Variants in TOMM6 observed in about 807,000 individuals in gnomAD.
TOMM6 encodes the protein mitochondrial import receptor subunit TOM6 homolog.
TOMM6 carries 6 observed loss-of-function variants against 6.0 expected under a neutral mutation model. That is an observed-to-expected ratio of 1.00 (90% CI 0.55 to 1.98). The LOEUF is 1.98. Among genes scored for constraint, TOMM6 ranks in the 30% most tolerant of loss-of-function variants. The pLI is 0.00. For missense variants in TOMM6, 104 were observed against 95.3 expected (o/e 1.09, Z -0.38); for synonymous variants, 44 against 36.3 (o/e 1.21, Z -0.76).
Position 41,787,706 on chromosome 6 carries a change from C to T in TOMM6, c.9C>T (p.Ser3=), listed in dbSNP as rs1156692987. The T allele has an allele frequency of 1.6e-5, 25 of 1,551,686 alleles. No individual in the cohort carries two copies. Among genetic ancestry groups the T allele is most frequent in the Non-Finnish European group, 1.9e-5 (22 of 1,146,982 alleles). Residue 3 remains serine (S), a synonymous_variant, in exon 1 of 3, where the codon TCC becomes TCT. Coordinates refer to ENST00000398881, the MANE Select transcript of TOMM6 (RefSeq NM_001382294.1). ...ATGCGAAGCTTTCCACTATGGCTTC[C>T]AGCACTGTCCCGGTGAGCGCTGCTG... MA[S]STVPVSAAGS... is the part of the protein sequence containing the mutation.
chr6:41,789,370 G>A (rs541289865), intron 2 of TOMM6, 34 bp downstream of exon 2: 76 of 1,424,798 alleles, frequency 5.3e-5, no homozygotes, highest in East Asian at 4.0e-4. Flanking sequence ...CGTGTCTTAG[G>A]AGACCTAGAG....
intron 2 of TOMM6, 25 bp downstream of exon 2, chr6:41,789,361 G>A (rs1012609922): frequency 6.7e-6 from 10 of 1,498,882 alleles, no homozygotes; most frequent in Admixed American, 3.9e-5. Flanking sequence ...ACACCCATGC[G>A]TGTCTTAGGA....
intron 1 of TOMM6, 126 bp downstream of exon 1, chr6:41,787,951 C>T (rs567402498): frequency 2.0e-4 from 268 of 1,333,190 alleles, no homozygotes; most frequent in Non-Finnish European, 2.6e-4. Context: ...GTGGCGTCTT[C>T]GTAGCTCTGG....
At chr6:41,789,144 T>C (rs1029151749) in intron 1 of TOMM6, 88 bp from the exon 2 acceptor site, 1 of 1,216,178 alleles carries the variant, frequency 8.2e-7, no homozygotes, top group Non-Finnish European at 1.2e-6. Context: ...GGGAAGGTGG[T>C]GATGGAAGCC....
intron 1 of TOMM6, 145 bp downstream of exon 1, chr6:41,787,970 C>G: frequency 2.6e-6 from 3 of 1,168,856 alleles, no homozygotes; most frequent in Non-Finnish European, 3.5e-6. Context: ...GGCTGTGCCT[C>G]ACTGAGATCC....
At chr6:41,788,443 CTTT>C (rs70987535) in intron 1 of TOMM6, among the ~76,000 whole-genome samples, 28 of 38,316 alleles carry the variant, frequency 7.3e-4, no homozygotes, top group East Asian at 5.7e-3. Context: ...CACGCCCGGC[CTTT>C]TTTTTTTTTT....
chr6:41,787,926 A>C (rs1020135116), intron 1 of TOMM6, 101 bp downstream of exon 1: 1 of 1,461,898 alleles, frequency 6.8e-7, no homozygotes, highest in Non-Finnish European at 9.2e-7. Context: ...TTTGTTTTTT[A>C]ACATTACCAG....
At chr6:41,789,441 A>G (rs1278673320) in intron 2 of TOMM6, 105 bp downstream of exon 2, 1 of 878,424 alleles carries the variant, frequency 1.1e-6, no homozygotes, top group African/African-American at 1.7e-5. Context: ...ATGTGATGTA[A>G]AACCCTTAAC....
Position 41,789,306 on chromosome 6 carries a change from T to A in TOMM6, c.203T>A (p.Met68Lys). The change falls in exon 2 of 3, where the codon ATG (methionine) becomes AAG (lysine). Residue 68 changes from methionine to lysine, a missense_variant. Physicochemically the swap from Met to Lys is moderately conservative, Grantham distance 95. Transcript: ENST00000398881. The part of the protein sequence containing the change: ...LARNLSDIDL[M>K]APQPGV ...AGGAACTTGAGTGACATTGACCTCA[T>A]GGCACCTCAGCCAGGGGTGTAGCCA... 1 of 1,551,712 alleles carries A rather than the reference T, an allele frequency of 6.4e-7. No homozygotes were observed. The highest frequency in any genetic ancestry group is 8.7e-7 in the Non-Finnish European group (1 of 1,146,982).
rs983402604 is a variant in TOMM6 at position 41,787,724 on chromosome 6, C to T, written c.27C>T (p.Ser9=). The change falls in exon 1 of 3, where the codon AGC becomes AGT. Residue 9 remains serine, a synonymous_variant. Coordinates refer to ENST00000398881, the MANE Select transcript of TOMM6 (RefSeq NM_001382294.1). Reference sequence around the variant, plus strand: ...TGGCTTCCAGCACTGTCCCGGTGAGCGCTGCTGGCTCGGCTAATGAAACTC... The same window carrying T: ...TGGCTTCCAGCACTGTCCCGGTGAGTGCTGCTGGCTCGGCTAATGAAACTC... The part of the protein sequence containing the change: MASSTVPV[S]AAGSANETPE... The T allele has an allele frequency of 1.3e-6, 2 of 1,551,598 alleles. No homozygotes were observed. The highest frequency in any genetic ancestry group is 2.4e-5 in the East Asian group (1 of 40,936).
intron 1 of TOMM6, among the ~76,000 whole-genome samples, chr6:41,788,652 C>CGTGTT (rs1772732971): frequency 6.8e-6 from 1 of 147,128 alleles, no homozygotes; most frequent in African/African-American, 2.5e-5. Flanking sequence ...GGGGTTTCAC[C>CGTGTT]ATCTTGGGCA....
At chr6:41,788,750 C>CTGACCTT (rs1256551284) in intron 1 of TOMM6, among the ~76,000 whole-genome samples, 9 of 148,928 alleles carry the variant, frequency 6.0e-5, no homozygotes, top group East Asian at 4.0e-4. Flanking sequence ...CGCGCCCGGC[C>CTGACCTT]ACATTTATTT....
chr6:41,788,114 G>C (rs1772712841), intron 1 of TOMM6, among the ~76,000 whole-genome samples: 1 of 151,850 alleles, frequency 6.6e-6, no homozygotes, highest in Non-Finnish European at 1.5e-5. Flanking sequence ...TGCTTTAGCT[G>C]GGCTTTGCGT....
rs1772698869 is a variant in TOMM6, at chr6:41,787,727, T to C, written c.30T>C (p.Ala10=). The change falls in exon 1 of 3, where the codon GCT becomes GCC. Residue 10 remains alanine, a synonymous_variant. Coordinates refer to ENST00000398881, the MANE Select transcript of TOMM6 (RefSeq NM_001382294.1). ...CTTCCAGCACTGTCCCGGTGAGCGCTGCTGGCTCGGCTAATGAAACTCCCG... is the reference window on the plus strand; with the variant it reads ...CTTCCAGCACTGTCCCGGTGAGCGCCGCTGGCTCGGCTAATGAAACTCCCG... MASSTVPVS[A]AGSANETPEI... 7 of 1,551,646 alleles carry C rather than the reference T, an allele frequency of 4.5e-6. No homozygotes were observed. Among genetic ancestry groups the C allele is most frequent in the Non-Finnish European group, 6.1e-6 (7 of 1,146,960 alleles).
chr6:41,788,528 C>T (rs916126712), intron 1 of TOMM6, among the ~76,000 whole-genome samples: 1 of 141,540 alleles, frequency 7.1e-6, no homozygotes, highest in Non-Finnish European at 1.5e-5. Context: ...TCTCGGCTCA[C>T]TGCCCCTTCT....
chr6:41,788,146 GTTTTT>G (rs1363261822), intron 1 of TOMM6, among the ~76,000 whole-genome samples: 2 of 95,954 alleles, frequency 2.1e-5, no homozygotes, highest in African/African-American at 8.3e-5. Flanking sequence ...TTTCTTTTTT[GTTTTT>G]TTTTTTTTTT....
Position 41,787,844 on chromosome 6 carries a change from C to T in TOMM6, c.128+19C>T. Reference sequence around the variant, plus strand: ...TCCGGAGGTAACCGAGCCCGAGGAACTTGGTCCTTTTCTGGCCCTTAAATC... The same window carrying T: ...TCCGGAGGTAACCGAGCCCGAGGAATTTGGTCCTTTTCTGGCCCTTAAATC... On this transcript the variant is annotated intron_variant, in intron 1 of 2. Transcript: ENST00000398881. The T allele has an allele frequency of 6.4e-7, 1 of 1,551,590 alleles. No individual in the cohort carries two copies. The highest frequency in any genetic ancestry group is 8.7e-7 in the Non-Finnish European group (1 of 1,146,868).
intron 1 of TOMM6, 62 bp downstream of exon 1, chr6:41,787,887 G>C: frequency 6.5e-7 from 1 of 1,531,092 alleles, no homozygotes; most frequent in Non-Finnish European, 8.8e-7. Context: ...CCCCTTTCTT[G>C]CGAGGCTGGC....
At chr6:41,788,443 CTTTTT>C (rs70987535) in intron 1 of TOMM6, among the ~76,000 whole-genome samples, 6 of 38,310 alleles carry the variant, frequency 1.6e-4, no homozygotes, top group Non-Finnish European at 2.4e-4. Context: ...CACGCCCGGC[CTTTTT>C]TTTTTTTTTT....
Sources: allele counts gnomAD v4.1 joint callset (sites outside exome capture counted in the v4.1 genomes callset), GRCh38; gene constraint gnomAD v4.1.1; transcripts MANE v1.5; gene names NCBI Gene and HGNC (gene_info 2026-07-23, HGNC 2026-07-21).